NTM: variants seen among roughly 807,000 people sequenced by gnomAD.
NTM encodes the protein IgLON family member 2.
A neutral mutation model predicts 42.1 loss-of-function variants in NTM; 13 were observed. The ratio of observed to expected loss-of-function variants is 0.31; its 90% confidence interval spans 0.20 to 0.49. The LOEUF (loss-of-function observed/expected upper bound fraction) is 0.49. Ranked by LOEUF, NTM falls within the 20% of genes least tolerant of loss-of-function variation. The pLI is 0.99. For synonymous variants in NTM, 187 were observed against 179.2 expected, an observed-to-expected ratio of 1.04 and a Z score of -0.35; for missense variants, 373 against 452.8, an observed-to-expected ratio of 0.82 and a Z score of 1.60.
chr11:131,455,303 C>G (rs921202), intron 1 of NTM, among the ~76,000 whole-genome samples: 46,584 of 152,024 alleles, frequency 0.31, 7,902 homozygotes, highest in East Asian at 0.75. Flanking sequence ...AGCGGAGGCT[C>G]ACCCCAGAGG....
intron 4 of NTM, among the ~76,000 whole-genome samples, chr11:132,258,195 G>A (rs1034157970): frequency 6.6e-6 from 1 of 152,208 alleles, no homozygotes; most frequent in Non-Finnish European, 1.5e-5. Context: ...AGCTGGAAAC[G>A]AGTTGGTCTG....
intron 2 of NTM, among the ~76,000 whole-genome samples, chr11:131,999,140 G>A (rs2068697681): frequency 1.3e-5 from 2 of 152,176 alleles, no homozygotes. Context: ...GGTGGAGAAA[G>A]CTTTCAGGAG....
At chr11:131,722,857 C>G (rs578052694) in intron 1 of NTM, among the ~76,000 whole-genome samples, 1 of 152,196 alleles carries the variant, frequency 6.6e-6, no homozygotes, top group Non-Finnish European at 1.5e-5. Flanking sequence ...CAGAGTGACC[C>G]AGAAACATTG....
intron 1 of NTM, among the ~76,000 whole-genome samples, chr11:131,717,530 A>C (rs978820536): frequency 1.3e-5 from 2 of 152,196 alleles, no homozygotes; most frequent in Admixed American, 1.3e-4. Context: ...CACGTTGCTC[A>C]TTACTAGTGT....
chr11:132,047,705 C>G (rs887978132), intron 2 of NTM, among the ~76,000 whole-genome samples: 1 of 152,198 alleles, frequency 6.6e-6, no homozygotes, highest in South Asian at 2.1e-4. Flanking sequence ...AGACACATGC[C>G]CTCCACAGGC....
intron 1 of NTM, among the ~76,000 whole-genome samples, chr11:131,827,195 T>C (rs1485468909): frequency 1.3e-5 from 2 of 151,914 alleles, no homozygotes; most frequent in African/African-American, 4.8e-5. Flanking sequence ...AAACATAAAA[T>C]GGAATTACAT....
Position 131,842,542 on chromosome 11 carries a change from AC to A in NTM, c.83-69020del, listed in dbSNP as rs1431990426. Reference sequence around the variant, plus strand: ...ACAAATCTGCTGACTCCTGAAGGTGACCTAAAAATGAACATTATCTACTAAG... The same window carrying A: ...ACAAATCTGCTGACTCCTGAAGGTGACTAAAAATGAACATTATCTACTAAG... On this transcript the variant is annotated intron_variant, in intron 1 of 8. Transcript: ENST00000683400. 1.6e-4 allele frequency among the ~76,000 whole-genome samples: 25 copies of A among 152,226 alleles called. 1 individual carries two copies. The East Asian group carries it at 3.1e-3, about 19-fold the overall frequency.
chr11:132,029,386 T>A (rs1014544732), intron 2 of NTM, among the ~76,000 whole-genome samples: 2 of 123,550 alleles, frequency 1.6e-5, no homozygotes, highest in African/African-American at 3.1e-5. Context: ...TTCCCCTTCC[T>A]GTGTCCATGT....
At chr11:131,552,510 A>C (rs1003639507) in intron 1 of NTM, among the ~76,000 whole-genome samples, 2 of 151,624 alleles carry the variant, frequency 1.3e-5, no homozygotes, top group Non-Finnish European at 2.9e-5. Context: ...GTCTCAAAAA[A>C]AAAAAAAAAA....
chr11:132,139,045 C>T (rs1048320268), intron 2 of NTM, among the ~76,000 whole-genome samples: 13 of 152,324 alleles, frequency 8.5e-5, no homozygotes, highest in Non-Finnish European at 1.8e-4. Flanking sequence ...TGAATTCCCA[C>T]TGAACTTTCG....
chr11:131,872,074 A>G (rs1423029709), intron 1 of NTM, among the ~76,000 whole-genome samples: 3 of 152,188 alleles, frequency 2.0e-5, no homozygotes, highest in Admixed American at 6.5e-5. Flanking sequence ...ATTGTGTGTC[A>G]GTGCCTCTAA....
intron 1 of NTM, among the ~76,000 whole-genome samples, chr11:131,634,067 C>G (rs563235872): frequency 1.2e-3 from 182 of 152,226 alleles, no homozygotes; most frequent in African/African-American, 4.1e-3. Flanking sequence ...GTGAGCTGTT[C>G]TGAGTTGCAG....
At chr11:131,386,968 T>C (rs1183712723) in intron 1 of NTM, among the ~76,000 whole-genome samples, 1 of 152,202 alleles carries the variant, frequency 6.6e-6, no homozygotes, top group Non-Finnish European at 1.5e-5. Context: ...AAAAGATATG[T>C]TTTTATCTTT....
chr11:132,303,044 A>G (rs897985209), intron 4 of NTM, among the ~76,000 whole-genome samples: 1 of 152,240 alleles, frequency 6.6e-6, no homozygotes, highest in Non-Finnish European at 1.5e-5. Context: ...TAGCAGAGCA[A>G]CTATGGAATT....
At chr11:131,562,323 G>A (rs966786413) in intron 1 of NTM, among the ~76,000 whole-genome samples, 3 of 152,200 alleles carry the variant, frequency 2.0e-5, no homozygotes, top group African/African-American at 7.2e-5. Context: ...GAGTTGTGAA[G>A]GAGAGAGAGG....
intron 1 of NTM, among the ~76,000 whole-genome samples, chr11:131,419,354 C>T (rs1393900520): frequency 1.3e-5 from 2 of 152,104 alleles, no homozygotes; most frequent in East Asian, 1.9e-4. Flanking sequence ...GTGAGTACTA[C>T]CACAGTGCAC....
intron 3 of NTM, among the ~76,000 whole-genome samples, chr11:132,185,970 C>A (rs1424341019): frequency 3.9e-5 from 6 of 152,228 alleles, no homozygotes; most frequent in Non-Finnish European, 2.9e-5. Flanking sequence ...AACTGCCGCC[C>A]TTGCCTATTC....
At chr11:132,260,914 A>G (rs1166376345) in intron 4 of NTM, among the ~76,000 whole-genome samples, 1 of 152,160 alleles carries the variant, frequency 6.6e-6, no homozygotes, top group Non-Finnish European at 1.5e-5. Context: ...CCTGAGCACC[A>G]CTTGTAGACC....
chr11:132,268,668 C>CTGTGTGTGTGTGTG (rs779978929), intron 4 of NTM, among the ~76,000 whole-genome samples: 143 of 138,692 alleles, frequency 1.0e-3, no homozygotes, highest in African/African-American at 3.6e-3. Context: ...CTCTCTCTCT[C>CTGTGTGTGTGTGTG]TCTGTGTGTG....
Sources: gnomAD v4.1 joint callset for allele counts (sites outside exome capture counted in the v4.1 genomes callset) on GRCh38, gnomAD v4.1.1 for gene constraint, MANE v1.5 for transcripts, NCBI Gene and HGNC (gene_info 2026-07-23, HGNC 2026-07-21) for gene names.